The following SNAP23 variants were observed in gnomAD, a reference collection of about 807,000 sequenced individuals.
The protein encoded by SNAP23 is synaptosomal-associated protein 23.
A neutral mutation model predicts 29.0 loss-of-function variants in SNAP23; 11 were observed. The observed-to-expected ratio is 0.38, with a 90% CI of 0.24 to 0.63. SNAP23 has a LOEUF of 0.63. Among genes scored for constraint, SNAP23 ranks in the 20% least tolerant of loss-of-function variants. SNAP23 has a pLI of 0.58. For synonymous variants in SNAP23, 60 were observed against 82.9 expected, an observed-to-expected ratio of 0.72 and a Z score of 1.50; for missense variants, 220 against 253.9, an observed-to-expected ratio of 0.87 and a Z score of 0.91.
chr15:42,528,873 A>G (rs900668884), intron 6 of SNAP23, among the ~76,000 whole-genome samples: 1 of 152,234 alleles, frequency 6.6e-6, no homozygotes, highest in Non-Finnish European at 1.5e-5. Context: ...GGCATAAGCT[A>G]CCACACCTGG....
At chr15:42,508,950 C>T (rs543257582) in intron 1 of SNAP23, among the ~76,000 whole-genome samples, 7 of 152,114 alleles carry the variant, frequency 4.6e-5, no homozygotes, top group African/African-American at 1.4e-4. Context: ...TCTTCTCTGT[C>T]GGGCATTGAG....
At chr15:42,500,922 T>A (rs188827845) in intron 1 of SNAP23, among the ~76,000 whole-genome samples, 2 of 152,350 alleles carry the variant, frequency 1.3e-5, no homozygotes, top group Admixed American at 1.3e-4. Context: ...CTGATTCCTA[T>A]GTTTTTCCAG....
chr15:42,510,639 G>T (rs1375863635), intron 1 of SNAP23, among the ~76,000 whole-genome samples: 1 of 152,090 alleles, frequency 6.6e-6, no homozygotes, highest in Non-Finnish European at 1.5e-5. Context: ...TCTACCATCA[G>T]ATCCTATTAG....
upstream of SNAP23, among the ~76,000 whole-genome samples, chr15:42,494,326 TA>T (rs1359606654): frequency 6.6e-6 from 1 of 150,422 alleles, no homozygotes; most frequent in South Asian, 2.1e-4. Context: ...GTTATGAAAT[TA>T]AAAAAAACAT....
upstream of SNAP23, among the ~76,000 whole-genome samples, chr15:42,493,382 G>A (rs908697797): frequency 5.9e-5 from 9 of 151,630 alleles, no homozygotes; most frequent in African/African-American, 1.5e-4. Flanking sequence ...ATGTGTGTGC[G>A]TGTGTGTGTA....
intron 5 of SNAP23, among the ~76,000 whole-genome samples, chr15:42,520,716 G>C (rs897078921): frequency 4.8e-4 from 73 of 152,090 alleles, no homozygotes; most frequent in African/African-American, 8.9e-4. Context: ...GGATGGTCTC[G>C]ATCTCCTGAC....
At chr15:42,514,700 C>CTTTT (rs869134157) in intron 4 of SNAP23, among the ~76,000 whole-genome samples, 1 of 115,142 alleles carries the variant, frequency 8.7e-6, no homozygotes, top group African/African-American at 3.2e-5. Context: ...ATACAAGATT[C>CTTTT]TTTTTTTTTT....
intron 1 of SNAP23, among the ~76,000 whole-genome samples, chr15:42,511,615 T>A (rs1397390284): frequency 6.6e-6 from 1 of 152,176 alleles, no homozygotes; most frequent in African/African-American, 2.4e-5. Flanking sequence ...AACCTGTATT[T>A]TAGGTTCACC....
upstream of SNAP23, among the ~76,000 whole-genome samples, chr15:42,494,121 C>T (rs2057195575): frequency 6.6e-6 from 1 of 151,768 alleles, no homozygotes; most frequent in African/African-American, 2.4e-5. Flanking sequence ...TAACAAAAAT[C>T]AAAAAAACAA....
chr15:42,518,569 G>A (rs900713690), intron 5 of SNAP23, among the ~76,000 whole-genome samples: 1 of 151,426 alleles, frequency 6.6e-6, no homozygotes, highest in East Asian at 2.0e-4. Flanking sequence ...ACAGGCACAT[G>A]CCACCACACC....
chr15:42,522,733 A>C (rs1012057233), intron 5 of SNAP23, among the ~76,000 whole-genome samples: 1 of 150,588 alleles, frequency 6.6e-6, no homozygotes, highest in African/African-American at 2.4e-5. Flanking sequence ...AAAAAAAAAA[A>C]AAAGAAATTA....
intron 1 of SNAP23, among the ~76,000 whole-genome samples, chr15:42,502,030 T>TC (rs2057275283): frequency 1.3e-5 from 2 of 148,540 alleles, no homozygotes; most frequent in African/African-American, 4.9e-5. Flanking sequence ...TTCTCTCTTT[T>TC]TTTTTTTTTT....
upstream of SNAP23, among the ~76,000 whole-genome samples, chr15:42,492,023 G>T (rs2057170753): frequency 6.6e-6 from 1 of 151,982 alleles, no homozygotes; most frequent in Admixed American, 6.6e-5. Context: ...CGATAATCCT[G>T]CCTCAGCCTC....
chr15:42,513,405 G>C lies in SNAP23; in HGVS notation c.106G>C (p.Asp36His), dbSNP rs965070448. ...TTTTCCCCCCTTGTCTTAGTCTCAG[G>C]ATGCAGGAATCAAGACCATCACTAT... Reference protein sequence around the residue: ...RILGLAIESQDAGIKTITMLD... With the variant: ...RILGLAIESQHAGIKTITMLD... Residue 36 changes from aspartate to histidine, a missense_variant, in exon 4 of 8, where the codon GAT becomes CAT. Physicochemically the swap from Asp to His is moderately conservative, Grantham distance 81. Coordinates refer to ENST00000249647, the MANE Select transcript of SNAP23 (RefSeq NM_003825.4). 6.2e-7 allele frequency: 1 copy of C among 1,613,598 alleles called. No homozygotes were observed. Among genetic ancestry groups the C allele is most frequent in the Non-Finnish European group, 8.5e-7 (1 of 1,179,712 alleles).
intron 5 of SNAP23, among the ~76,000 whole-genome samples, chr15:42,522,361 A>T (rs2141544242): frequency 6.6e-6 from 1 of 152,308 alleles, no homozygotes; most frequent in East Asian, 1.9e-4. Context: ...CTGTGATTTC[A>T]TGTTGAATTA....
In SNAP23 at chr15:42,506,967, C is replaced by T. The variant is rs191950080; in HGVS notation, c.-14-4866C>T. On this transcript the variant is annotated intron_variant, in intron 1 of 7. Coordinates refer to ENST00000249647, the MANE Select transcript of SNAP23 (RefSeq NM_003825.4). ...CTGAGTAGCTGGGACTACAGGCATG[C>T]GCCCCATGCCCAGCTAATTTTTTGA... 9.3e-4 allele frequency among the ~76,000 whole-genome samples: 141 copies of T among 152,070 alleles called. 1 individual carries two copies. The highest frequency in any genetic ancestry group is 3.1e-3 in the African/African-American group (130 of 41,496).
intron 5 of SNAP23, among the ~76,000 whole-genome samples, chr15:42,525,697 C>T (rs1335806477): frequency 6.6e-6 from 1 of 151,750 alleles, no homozygotes; most frequent in East Asian, 2.0e-4. Context: ...CTCCTGACTT[C>T]GTGATCTGCC....
chr15:42,517,326 G>T (rs1341675083), intron 5 of SNAP23, among the ~76,000 whole-genome samples: 1 of 152,168 alleles, frequency 6.6e-6, no homozygotes, highest in Non-Finnish European at 1.5e-5. Flanking sequence ...TCTTAGCTAT[G>T]TTTTACAAAC....
intron 1 of SNAP23, 98 bp from the exon 2 acceptor site, chr15:42,511,735 G>C: frequency 1.8e-6 from 1 of 567,018 alleles, no homozygotes; most frequent in Non-Finnish European, 3.0e-6. Context: ...TTCCTGATAA[G>C]TTCCTAAATT....
Sources: gnomAD v4.1 joint callset for allele counts (sites outside exome capture counted in the v4.1 genomes callset) on GRCh38, gnomAD v4.1.1 for gene constraint, MANE v1.5 for transcripts, NCBI Gene and HGNC (gene_info 2026-07-23, HGNC 2026-07-21) for gene names.